LSS: variants seen among roughly 807,000 people sequenced by gnomAD.
LSS encodes the protein 2,3-epoxysqualene-lanosterol cyclase.
LSS carries 90 observed loss-of-function variants against 110.3 expected under a neutral mutation model. The ratio of observed to expected loss-of-function variants is 0.82; its 90% confidence interval spans 0.69 to 0.97. LSS has a LOEUF of 0.97. LSS is among the 50% of genes least tolerant of loss of function. The pLI is 0.00. For synonymous variants in LSS, 433 were observed against 400.0 expected (o/e 1.08, Z -0.98); for missense variants, 927 against 990.0 (o/e 0.94, Z 0.85).
chr21:46,228,465 C>A lies in LSS; in HGVS notation c.149G>T (p.Gly50Val), dbSNP rs775649281. The A allele has an allele frequency of 2.6e-5, 41 of 1,603,596 alleles. No individual in the cohort carries two copies. The highest frequency in any genetic ancestry group is 3.3e-5 in the Non-Finnish European group (39 of 1,179,628). The change falls in exon 2 of 22, where the codon GGC becomes GTC. Residue 50 changes from glycine to valine, a missense_variant. Physicochemically the swap from Gly to Val is moderately radical, Grantham distance 109. Coordinates refer to ENST00000397728, the MANE Select transcript of LSS (RefSeq NM_002340.6). ...CAGCCCCAGGGCGTAGGCTTCCAGG[C>A]CGGTCTGCTCGCGGCCGGCGCGCTC... ...QDERAGREQT[G>V]LEAYALGLDT...
rs74621064 is a variant in LSS, at chr21:46,215,306, G to A, written c.893-8C>T. ...CATACAGGTTGAGGAGCGCTACAGG[G>A]GACAGGGGTCAGTGGATGCCAGACA... On this transcript the variant is annotated splice_region_variant and splice_polypyrimidine_tract_variant and intron_variant, in intron 8 of 21. Transcript: ENST00000397728. 0.01 allele frequency: 16,319 copies of A among 1,585,394 alleles called. 1,166 individuals carry two copies. The African/African-American group carries it at 0.18, about 17-fold the overall frequency.
At chr21:46,218,772 C>A (rs1366218492) in intron 6 of LSS, among the ~76,000 whole-genome samples, 1 of 147,884 alleles carries the variant, frequency 6.8e-6, no homozygotes, top group Non-Finnish European at 1.5e-5. Context: ...CGTCGCCAGG[C>A]TGGAATATGG....
chr21:46,205,773 T>C, intron 17 of LSS, 63 bp downstream of exon 17: 8 of 1,284,354 alleles, frequency 6.2e-6, no homozygotes, highest in Admixed American at 2.2e-5. Flanking sequence ...CACAGAATGA[T>C]GCGTCTGGGT....
At position 46,209,066 on chromosome 21, in the gene LSS, C is replaced by T. The variant is rs1174221062; in HGVS notation, c.1266+488G>A. Among the ~76,000 whole-genome samples, 1 of 152,074 alleles carries T rather than the reference C, an allele frequency of 6.6e-6. No homozygotes were observed. The highest frequency in any genetic ancestry group is 1.5e-5 in the Non-Finnish European group (1 of 68,010). ...GTGGCTGCAGACTGGGGTGCAGGCA[C>T]GTGTGAGAGACACTGAGGTCAAACT... On this transcript the variant is annotated intron_variant, in intron 13 of 21. Coordinates refer to ENST00000397728, the MANE Select transcript of LSS (RefSeq NM_002340.6). The surrounding 1 kb of genome is among the most constrained non-coding windows in gnomAD (Gnocchi z 4.4).
Position 46,216,367 on chromosome 21 carries a change from T to C in LSS, c.783+22A>G. On this transcript the variant is annotated intron_variant, in intron 7 of 21. Transcript: ENST00000397728. This position sits in a 1 kb window ranked among gnomAD's most constrained non-coding sequence, Gnocchi z 4.2. Reference sequence around the variant, plus strand: ...GGTCCCAGCCCCAGAGGCCTTCACTTTGTTCCCTGATGAGGTCCTACCTGG... The same window carrying C: ...GGTCCCAGCCCCAGAGGCCTTCACTCTGTTCCCTGATGAGGTCCTACCTGG... 6.2e-7 allele frequency: 1 copy of C among 1,613,356 alleles called. No individual in the cohort carries two copies. The highest frequency in any genetic ancestry group is 8.5e-7 in the Non-Finnish European group (1 of 1,179,942).
At position 46,191,002 on chromosome 21, in the gene LSS, G is replaced by A; in HGVS notation, c.*102C>T. ...CACATCTATGAGATAGAGGTTGAGG[G>A]GTTGGAGCCCAAGACAGGGTTATGG... On this transcript the variant is annotated 3_prime_UTR_variant, in exon 22 of 22. Coordinates refer to ENST00000397728, the MANE Select transcript of LSS (RefSeq NM_002340.6). 1 of 1,385,954 alleles carries A rather than the reference G, an allele frequency of 7.2e-7. No homozygotes were observed. The highest frequency in any genetic ancestry group is 1.0e-6 in the Non-Finnish European group (1 of 1,002,370). The allele number at this position is 1,385,954 out of a possible 1,614,324, so 85.9% of individuals were successfully genotyped here. A position where few individuals can be genotyped will look rare whatever the true frequency, so the allele number is the denominator to read the frequency against.
chr21:46,200,909 A>C (rs2079969632), intron 17 of LSS, among the ~76,000 whole-genome samples: 3 of 152,256 alleles, frequency 2.0e-5, no homozygotes, highest in Non-Finnish European at 4.4e-5. Context: ...CCTGCTAAGA[A>C]ATACTCAGGC....
intron 17 of LSS, among the ~76,000 whole-genome samples, chr21:46,198,829 C>CAAAAAAAA (rs35148484): frequency 3.3e-4 from 24 of 73,402 alleles, no homozygotes; most frequent in East Asian, 1.6e-3. Flanking sequence ...CATCCACATG[C>CAAAAAAAA]AAAAAAAAAA....
At chr21:46,210,361 T>C (rs540821711) in intron 12 of LSS, among the ~76,000 whole-genome samples, 3 of 152,134 alleles carry the variant, frequency 2.0e-5, no homozygotes, top group African/African-American at 4.8e-5. Context: ...CCACCGTGCC[T>C]GGCCCAAGCA....
chr21:46,189,579 G>A lies in LSS; in HGVS notation c.*1525C>T. The A allele has an allele frequency of 2.3e-6, 1 of 442,472 alleles. No individual in the cohort carries two copies. Among genetic ancestry groups the A allele is most frequent in the South Asian group, 1.6e-5 (1 of 62,508 alleles). The allele number at this position is 442,472 out of a possible 1,614,324, so 27.4% of individuals were successfully genotyped here. A position where few individuals can be genotyped will look rare whatever the true frequency, so the allele number is the denominator to read the frequency against. ...GAAGACCCCAGAGGGTGCGGCACCT[G>A]GGTGAGAGCCCTGGACTGCACACCA... On this transcript the variant is annotated 3_prime_UTR_variant, in exon 22 of 22. Transcript: ENST00000397728.
chr21:46,218,905 T>C (rs1205570860), intron 6 of LSS, among the ~76,000 whole-genome samples: 5 of 152,052 alleles, frequency 3.3e-5, no homozygotes, highest in African/African-American at 1.2e-4. Flanking sequence ...TTTTGTATTT[T>C]TAGTAGAGAC....
chr21:46,219,185 T>C (rs370500950), intron 6 of LSS, among the ~76,000 whole-genome samples: 10 of 152,284 alleles, frequency 6.6e-5, no homozygotes, highest in Middle Eastern at 3.4e-3. Flanking sequence ...CTTCTACAGA[T>C]GCTGAGTCTT....
intron 17 of LSS, among the ~76,000 whole-genome samples, chr21:46,200,482 G>T (rs889210798): frequency 2.6e-5 from 4 of 152,044 alleles, no homozygotes; most frequent in African/African-American, 9.7e-5. Flanking sequence ...TCCTGGTAAG[G>T]TGCAGGAGAA....
rs1229024638 is a variant in LSS at position 46,216,222 on chromosome 21, C to T, written c.783+167G>A. ...ACAAGTCCCCTCTGGGCAGAGCTTG[C>T]TCACTGTTTATTATAGGATGGAGGA... On this transcript the variant is annotated intron_variant, in intron 7 of 21. Transcript: ENST00000397728. This position sits in a 1 kb window ranked among gnomAD's most constrained non-coding sequence, Gnocchi z 4.2. 6.6e-6 allele frequency among the ~76,000 whole-genome samples: 1 copy of T among 152,230 alleles called. No homozygotes were observed. The highest frequency in any genetic ancestry group is 1.5e-5 in the Non-Finnish European group (1 of 68,042).
chr21:46,194,638 C>T lies in LSS; in HGVS notation c.1841G>A (p.Arg614Gln), dbSNP rs758715272. 37 of 1,613,070 alleles carry T rather than the reference C, an allele frequency of 2.3e-5. No homozygotes were observed. The Admixed American group carries it at 4.3e-4, about 19-fold the overall frequency. The stretch of plus-strand genomic sequence containing the variant: ...CCGGGACAGCAGGAAGTCACAGGCC[C>T]GGGAGACCTCTGCACAGGCAGTCCT... ...RDGTACAEVS[R>Q]ACDFLLSRQM... Residue 614 changes from arginine to glutamine, a missense_variant, in exon 20 of 22, where the codon CGG (arginine) becomes CAG (glutamine). Coordinates refer to ENST00000397728, the MANE Select transcript of LSS (RefSeq NM_002340.6).
intron 11 of LSS, among the ~76,000 whole-genome samples, chr21:46,210,963 G>C (rs557957729): frequency 1.3e-5 from 2 of 152,316 alleles, no homozygotes; most frequent in African/African-American, 4.8e-5. Flanking sequence ...GACTCAGGGA[G>C]CCCTCCCTTT....
At position 46,194,663 on chromosome 21, in the gene LSS, T is replaced by G; in HGVS notation, c.1818-2A>C. ...CGGGAGACCTCTGCACAGGCAGTCCTGCAAAGACCAGAGACAGGAGACACC... is the reference window on the plus strand; with the variant it reads ...CGGGAGACCTCTGCACAGGCAGTCCGGCAAAGACCAGAGACAGGAGACACC... On this transcript the variant is annotated splice_acceptor_variant, in intron 19 of 21. Transcript: ENST00000397728. LOFTEE classifies it high-confidence loss of function. 6.2e-7 allele frequency: 1 copy of G among 1,611,086 alleles called. No individual in the cohort carries two copies. The highest frequency in any genetic ancestry group is 1.7e-4 in the Middle Eastern group (1 of 6,040).
chr21:46,206,809 G>A (rs1229294278), intron 15 of LSS, 41 bp from the exon 16 acceptor site: 1 of 1,498,098 alleles, frequency 6.7e-7, no homozygotes, highest in Non-Finnish European at 9.2e-7. Flanking sequence ...CCCATGTGCT[G>A]AGCACACACA....
At chr21:46,227,763 C>T in intron 2 of LSS, 73 bp from the exon 3 acceptor site, 2 of 1,539,450 alleles carry the variant, frequency 1.3e-6, no homozygotes, top group South Asian at 2.3e-5. Flanking sequence ...ACCCTCTTCA[C>T]ATACAGCCCA....
Sources: gnomAD v4.1 joint callset for allele counts (sites outside exome capture counted in the v4.1 genomes callset) on GRCh38, gnomAD v4.1.1 for gene constraint, Gnocchi (gnomAD v3.1) non-coding constraint, MANE v1.5 for transcripts, NCBI Gene and HGNC (gene_info 2026-07-23, HGNC 2026-07-21) for gene names.